PHF24: variants seen among roughly 807,000 people sequenced by gnomAD.
PHF24 encodes Galpha inhibitory interacting protein.
In PHF24, 25 loss-of-function variants were observed where a neutral mutation model predicts 42.6. The ratio of observed to expected loss-of-function variants is 0.59; its 90% confidence interval spans 0.43 to 0.82. The LOEUF (loss-of-function observed/expected upper bound fraction) is 0.82. Ranked by LOEUF, PHF24 falls within the 40% of genes least tolerant of loss-of-function variation. The pLI, the probability that PHF24 is intolerant of heterozygous loss-of-function variation, is 0.00. For synonymous variants in PHF24, 185 were observed against 204.8 expected (o/e 0.90, Z 0.83); for missense variants, 470 against 538.1 (o/e 0.87, Z 1.25).
At chr9:34,892,429 A>T in the PHF24 span, among the ~76,000 whole-genome samples, 1 of 152,156 alleles carries the variant, frequency 6.6e-6, no homozygotes, top group Non-Finnish European at 1.5e-5. Context: ...GGAAAATTAG[A>T]AGTGGTGTGG....
chr9:34,937,238 C>T, the PHF24 span, among the ~76,000 whole-genome samples: 9 of 152,278 alleles, frequency 5.9e-5, 1 homozygote, highest in South Asian at 4.1e-4. Context: ...ATTGAGAAAT[C>T]GGATGGTTGC....
At chr9:34,713,606 C>A in the PHF24 span, among the ~76,000 whole-genome samples, 1 of 152,032 alleles carries the variant, frequency 6.6e-6, no homozygotes, top group East Asian at 1.9e-4. Flanking sequence ...AGGGACCAAC[C>A]CCTATAACTT....
the PHF24 span, among the ~76,000 whole-genome samples, chr9:34,841,022 CAG>C: frequency 1.3e-5 from 2 of 151,844 alleles, no homozygotes; most frequent in East Asian, 3.9e-4. Context: ...TTTTTTGAGA[CAG>C]AGTCTCGCTC....
chr9:34,981,229 C>A (rs527920767), exon 8 of PHF24: 1 of 152,402 alleles, frequency 6.6e-6, no homozygotes, highest in African/African-American at 2.4e-5. Flanking sequence ...AGATACCAGC[C>A]TTTCTGGTCC....
the PHF24 span, chr9:34,728,565 A>G: frequency 6.5e-7 from 1 of 1,540,014 alleles, no homozygotes; most frequent in Non-Finnish European, 8.8e-7. Context: ...TTCATGGGAA[A>G]CACCCACAGT....
the PHF24 span, chr9:34,728,550 C>T: frequency 2.0e-6 from 3 of 1,510,760 alleles, no homozygotes; most frequent in South Asian, 2.4e-5. Flanking sequence ...CACAGAGGGA[C>T]AGGATTCATG....
the PHF24 span, chr9:34,922,092 A>G: frequency 1.7e-6 from 2 of 1,169,652 alleles, no homozygotes; most frequent in South Asian, 1.3e-5. Context: ...AACCTGTCAT[A>G]AATTGTAAAC....
At chr9:34,738,878 G>C in the PHF24 span, among the ~76,000 whole-genome samples, 1 of 152,248 alleles carries the variant, frequency 6.6e-6, no homozygotes, top group East Asian at 1.9e-4. Context: ...TGAGGTGATG[G>C]GCCAGAGGTT....
exon 2 of PHF24, chr9:34,971,591 G>C (rs771907866): frequency 6.2e-7 from 1 of 1,614,076 alleles, no homozygotes; most frequent in Non-Finnish European, 8.5e-7. Context: ...AGGACAAGTC[G>C]ATTCACACCC....
At chr9:34,841,569 C>T in the PHF24 span, among the ~76,000 whole-genome samples, 1 of 152,018 alleles carries the variant, frequency 6.6e-6, no homozygotes. Context: ...TTAAAGTGAA[C>T]AATTTAGGCT....
chr9:34,800,972 G>GAA, the PHF24 span, among the ~76,000 whole-genome samples: 1 of 149,602 alleles, frequency 6.7e-6, no homozygotes, highest in Non-Finnish European at 1.5e-5. Context: ...AAATTTACAA[G>GAA]AAAAAAAAAC....
the PHF24 span, among the ~76,000 whole-genome samples, chr9:34,761,556 A>G: frequency 2.0e-5 from 3 of 152,202 alleles, no homozygotes; most frequent in Non-Finnish European, 4.4e-5. Context: ...TAAGGGGAAA[A>G]AGATGTAGAA....
chr9:34,687,125 G>A, the PHF24 span, among the ~76,000 whole-genome samples: 1 of 152,032 alleles, frequency 6.6e-6, no homozygotes, highest in African/African-American at 2.4e-5. Flanking sequence ...GGGGTGGGGA[G>A]GGTTGCATGC....
At chr9:34,726,457 C>T in the PHF24 span, 2 of 1,551,348 alleles carry the variant, frequency 1.3e-6, no homozygotes, top group South Asian at 2.4e-5. Flanking sequence ...GGTTCAGGGA[C>T]AGCAAGGAGA....
the PHF24 span, chr9:34,895,109 C>A: frequency 1.2e-4 from 49 of 398,532 alleles, no homozygotes; most frequent in African/African-American, 9.0e-4. Flanking sequence ...CATTAGAATG[C>A]AAAGCTGCTA....
chr9:34,969,926 A>C (rs1826914995), intron 1 of PHF24, among the ~76,000 whole-genome samples: 1 of 152,130 alleles, frequency 6.6e-6, no homozygotes, highest in South Asian at 2.1e-4. Context: ...TTCAAGGTCC[A>C]CTTTGACCAC....
chr9:34,937,136 C>T, the PHF24 span, among the ~76,000 whole-genome samples: 6 of 152,242 alleles, frequency 3.9e-5, 1 homozygote, highest in South Asian at 1.0e-3. Flanking sequence ...GCCACCACCC[C>T]GTCTGGGAGG....
At chr9:34,718,954 G>A in the PHF24 span, among the ~76,000 whole-genome samples, 1 of 152,234 alleles carries the variant, frequency 6.6e-6, no homozygotes, top group Non-Finnish European at 1.5e-5. Flanking sequence ...TTACCTGAGT[G>A]TGCCAGAGGT....
At chr9:34,674,966 T>A in the PHF24 span, among the ~76,000 whole-genome samples, 1 of 152,128 alleles carries the variant, frequency 6.6e-6, no homozygotes, top group Non-Finnish European at 1.5e-5. Flanking sequence ...GGGCTCAAGC[T>A]ATCCTCCTAC....
Sources: gnomAD v4.1 joint callset for allele counts (sites outside exome capture counted in the v4.1 genomes callset) on GRCh38, gnomAD v4.1.1 for gene constraint, MANE v1.5 for transcripts, NCBI Gene and HGNC (gene_info 2026-07-23, HGNC 2026-07-21) for gene names.